NEDD8: variants seen among roughly 807,000 people sequenced by gnomAD.
NEDD8 encodes ubiquitin-like protein NEDD8.
NEDD8 carries 1 observed loss-of-function variant against 13.8 expected under a neutral mutation model. The ratio of observed to expected loss-of-function variants is 0.07; its 90% CI spans 0.03 to 0.34. The LOEUF is 0.34. NEDD8 is among the 10% of genes least tolerant of loss of function. NEDD8 has a pLI of 0.99. For synonymous variants in NEDD8, 31 were observed against 33.2 expected (o/e 0.93, Z 0.23); for missense variants, 10 against 95.2 (o/e 0.10, Z 3.73).
rs1216518637 is a variant in NEDD8 at position 24,221,500 on chromosome 14, G to A, written c.19-3069C>T. ...TTGCCATGTTGCCCAGGCTGGTCTC[G>A]AACTCCTGACCTCAAGTGATCCACC... is the stretch of plus-strand genomic sequence containing the variant. On this transcript the variant is annotated intron_variant, in intron 1 of 3. Transcript: ENST00000250495. Among the ~76,000 whole-genome samples, 4 of 151,866 alleles carry A rather than the reference G, an allele frequency of 2.6e-5. No individual in the cohort carries two copies. The East Asian group carries it at 5.8e-4, about 22-fold the overall frequency.
Position 24,232,288 on chromosome 14 carries a change from G to A in NEDD8, c.-21C>T. 1.2e-6 allele frequency: 2 copies of A among 1,612,674 alleles called. No homozygotes were observed. The highest frequency in any genetic ancestry group is 1.1e-5 in the South Asian group (1 of 91,048). ...AGCATCTTCTTTCCAGTTTGGGGCT[G>A]CACACGGATAAATTGCTGCTCCTAC... On this transcript the variant is annotated 5_prime_UTR_variant, in exon 1 of 4. Transcript: ENST00000250495.
chr14:24,220,597 C>A (rs950064570), intron 1 of NEDD8, among the ~76,000 whole-genome samples: 2 of 152,198 alleles, frequency 1.3e-5, no homozygotes, highest in African/African-American at 4.8e-5. Flanking sequence ...GCTGGGATTA[C>A]AGGCATGAGC....
At chr14:24,223,272 C>A (rs2039837068) in intron 1 of NEDD8, among the ~76,000 whole-genome samples, 1 of 151,744 alleles carries the variant, frequency 6.6e-6, no homozygotes, top group African/African-American at 2.4e-5. Flanking sequence ...TGGCACAGGC[C>A]TGTAGTCCCA....
chr14:24,223,698 A>C (rs1278802500), intron 1 of NEDD8, among the ~76,000 whole-genome samples: 1 of 150,108 alleles, frequency 6.7e-6, no homozygotes, highest in Non-Finnish European at 1.5e-5. Context: ...ACAAGCACAC[A>C]CCACCATGCC....
rs551583180 is a variant in NEDD8, at chr14:24,221,388, C to A, written c.19-2957G>T. Among the ~76,000 whole-genome samples the A allele has an allele frequency of 5.3e-5, 8 of 150,860 alleles. No individual in the cohort carries two copies. In the East Asian group the frequency reaches 1.6e-3, roughly 30 times the overall value. ...CCTCGACATACTGGGCTCAGGTGATCCCCACCTCAGCCTCTTGAGTAGCTG... is the reference window on the plus strand; with the variant it reads ...CCTCGACATACTGGGCTCAGGTGATACCCACCTCAGCCTCTTGAGTAGCTG... On this transcript the variant is annotated intron_variant, in intron 1 of 3. Transcript: ENST00000250495.
chr14:24,219,327 A>ACAG (rs1291924085), intron 1 of NEDD8, among the ~76,000 whole-genome samples: 1 of 151,120 alleles, frequency 6.6e-6, no homozygotes, highest in Non-Finnish European at 1.5e-5. Flanking sequence ...AACAACAACA[A>ACAG]CAAAAATTAG....
intron 1 of NEDD8, among the ~76,000 whole-genome samples, chr14:24,219,073 G>T (rs1401857699): frequency 6.6e-6 from 1 of 151,932 alleles, no homozygotes; most frequent in Non-Finnish European, 1.5e-5. Flanking sequence ...AAAGTCAGAA[G>T]GACCTTGTTC....
intron 1 of NEDD8, among the ~76,000 whole-genome samples, chr14:24,221,443 C>T (rs537338636): frequency 2.5e-4 from 38 of 152,032 alleles, no homozygotes; most frequent in Admixed American, 2.5e-3. Context: ...CCACGCCTGA[C>T]TACATTTTGT....
rs2039741540 is a variant in NEDD8, at chr14:24,218,189, C to T, written c.93G>A (p.Glu31=). 1 of 1,614,046 alleles carries T rather than the reference C, an allele frequency of 6.2e-7. No homozygotes were observed. ...DKVERIKERV[E]EKEGIPPQQQ... is the part of the protein sequence containing the mutation. ...GTTGTGGGGGGATTCCCTCTTTCTC[C>T]TCCACACGCTCCTTGATTCGCTCCA... The change falls in exon 3 of 4, where the codon GAG becomes GAA. Residue 31 remains glutamate (E), a synonymous_variant. Coordinates refer to ENST00000250495, the MANE Select transcript of NEDD8 (RefSeq NM_006156.3).
chr14:24,218,435 A>C lies in NEDD8; in HGVS notation c.19-4T>G, dbSNP rs755414557. On this transcript the variant is annotated splice_polypyrimidine_tract_variant and splice_region_variant and intron_variant, in intron 1 of 3. Transcript: ENST00000250495. Reference sequence around the variant, plus strand: ...CAATCTCCTTTCCGGTCAGCGTCTGAAACAGGCAATGGTTTCATGAGTCCT... The same window carrying C: ...CAATCTCCTTTCCGGTCAGCGTCTGCAACAGGCAATGGTTTCATGAGTCCT... 13 of 1,614,200 alleles carry C rather than the reference A, an allele frequency of 8.1e-6. No homozygotes were observed. The highest frequency in any genetic ancestry group is 1.6e-4 in the Middle Eastern group (1 of 6,062).
At chr14:24,224,872 A>G (rs754470761) in intron 1 of NEDD8, among the ~76,000 whole-genome samples, 1 of 152,170 alleles carries the variant, frequency 6.6e-6, no homozygotes, top group Non-Finnish European at 1.5e-5. Flanking sequence ...AAAAGACAAC[A>G]TGGGAGCCCG....
intron 1 of NEDD8, among the ~76,000 whole-genome samples, chr14:24,230,824 G>T (rs1185031593): frequency 6.6e-6 from 1 of 151,938 alleles, no homozygotes; most frequent in Non-Finnish European, 1.5e-5. Context: ...CACCATGTTG[G>T]CCAGGCTGGT....
chr14:24,230,498 G>A, intron 1 of NEDD8, among the ~76,000 whole-genome samples: 1 of 112,172 alleles, frequency 8.9e-6, no homozygotes, highest in Admixed American at 1.2e-4. Context: ...TGGCGCCACT[G>A]CACTCCAGCC....
At chr14:24,227,292 A>C (rs1375796632) in intron 1 of NEDD8, 2 of 152,256 alleles carry the variant, frequency 1.3e-5, no homozygotes, top group African/African-American at 4.8e-5. Context: ...GACAGTTGCC[A>C]AAGTAATCTG....
intron 1 of NEDD8, among the ~76,000 whole-genome samples, chr14:24,221,776 T>C (rs1011262533): frequency 2.0e-5 from 3 of 151,706 alleles, no homozygotes; most frequent in Non-Finnish European, 4.4e-5. Flanking sequence ...TTTGTATTTT[T>C]AGTAGAGAAG....
chr14:24,224,369 A>T (rs1381026752), intron 1 of NEDD8, among the ~76,000 whole-genome samples: 1 of 152,024 alleles, frequency 6.6e-6, no homozygotes, highest in Non-Finnish European at 1.5e-5. Context: ...CGGCCTGAAA[A>T]TTGTTTTGTA....
rs1566664187 is a variant in NEDD8 at position 24,218,219 on chromosome 14, T to C, written c.67-4A>G. On this transcript the variant is annotated splice_polypyrimidine_tract_variant and splice_region_variant and intron_variant, in intron 2 of 3. Transcript: ENST00000250495. ...CACGCTCCTTGATTCGCTCCACCTT[T>C]AGAGAGACAAGTAGTCAGGGGCTGC... The C allele has an allele frequency of 6.2e-7, 1 of 1,614,144 alleles. No individual in the cohort carries two copies. Among genetic ancestry groups the C allele is most frequent in the South Asian group, 1.1e-5 (1 of 91,080 alleles).
At chr14:24,225,179 A>AAG (rs1341598370) in intron 1 of NEDD8, among the ~76,000 whole-genome samples, 1 of 151,432 alleles carries the variant, frequency 6.6e-6, no homozygotes, top group African/African-American at 2.4e-5. Context: ...CTCAAAAAAA[A>AAG]AAAAAAAGAA....
chr14:24,225,903 T>C (rs1482656882), intron 1 of NEDD8, among the ~76,000 whole-genome samples: 1 of 151,918 alleles, frequency 6.6e-6, no homozygotes, highest in Non-Finnish European at 1.5e-5. Context: ...TAGCTGGGTG[T>C]GGTGGCACGC....
Sources: gnomAD v4.1 joint callset for allele counts (sites outside exome capture counted in the v4.1 genomes callset) on GRCh38, gnomAD v4.1.1 for gene constraint, MANE v1.5 for transcripts, NCBI Gene and HGNC (gene_info 2026-07-23, HGNC 2026-07-21) for gene names.